Variants in ZFHX2 observed in about 807,000 individuals in gnomAD.
ZFHX2 encodes zinc finger homeobox protein 2.
ZFHX2 carries 75 observed loss-of-function variants against 164.8 expected under a neutral mutation model. That is an observed-to-expected ratio of 0.46 (90% CI 0.38 to 0.55). The LOEUF is 0.55. ZFHX2 is among the 20% of genes least tolerant of loss of function. The pLI is 0.00. For missense variants in ZFHX2, 2,933 were observed against 3,308.0 expected, an observed-to-expected ratio of 0.89 and a Z score of 2.78; for synonymous variants, 1,217 against 1,351.4, an observed-to-expected ratio of 0.90 and a Z score of 2.18.
At position 23,522,682 on chromosome 14, in the gene ZFHX2, C is replaced by T. The variant is rs1301665945; in HGVS notation, c.6999G>A (p.Leu2333=). 2 of 1,536,552 alleles carry T rather than the reference C, an allele frequency of 1.3e-6. No homozygotes were observed. Among genetic ancestry groups the T allele is most frequent in the East Asian group, 4.9e-5 (2 of 40,902 alleles). Residue 2333 remains leucine, a synonymous_variant, in exon 10 of 10, where the codon TTG becomes TTA. Transcript: ENST00000419474. ...CCAACAGGGCTGGGACAGTGGTCTT[C>T]AATGCTTTGAGGTTCTTGAGGGCAT... is the stretch of plus-strand genomic sequence containing the variant. ...SNDALKNLKA[L]KTTVPALLGG...
chr14:23,544,712 ACT>A (rs1460207795), intron 1 of ZFHX2, among the ~76,000 whole-genome samples: 13 of 151,728 alleles, frequency 8.6e-5, no homozygotes, highest in Admixed American at 1.3e-4. Flanking sequence ...ATCTCGTTAC[ACT>A]CTCGCTGCCT....
chr14:23,529,425 A>T (rs1158226819), intron 6 of ZFHX2: 1 of 391,774 alleles, frequency 2.6e-6, no homozygotes, highest in Non-Finnish European at 4.7e-6. Context: ...TCCAGCATGT[A>T]CCCCCACTCT....
intron 1 of ZFHX2, among the ~76,000 whole-genome samples, chr14:23,544,552 T>C (rs575330453): frequency 6.6e-6 from 1 of 152,306 alleles, no homozygotes; most frequent in South Asian, 2.1e-4. Flanking sequence ...AGGCCCTCCA[T>C]GTACACGTGT....
In ZFHX2 at chr14:23,524,820, C is replaced by G; in HGVS notation, c.5122G>C (p.Gly1708Arg). 2 of 1,537,052 alleles carry G rather than the reference C, an allele frequency of 1.3e-6. No homozygotes were observed. Among genetic ancestry groups the G allele is most frequent in the Non-Finnish European group, 1.7e-6 (2 of 1,147,154 alleles). Residue 1708 changes from glycine to arginine, a missense_variant, in exon 9 of 10, where the codon GGG (glycine) becomes CGG (arginine). By Grantham distance (125) the Gly-to-Arg change is moderately radical (BLOSUM62 -2). Transcript: ENST00000419474. The surrounding 1 kb of genome is among the most constrained non-coding windows in gnomAD (Gnocchi z 5.6). ...LEEEEEEAERGEEEEEVEEEE... is the reference protein window; with the variant it reads ...LEEEEEEAERREEEEEVEEEE... ...TCTTCCACCTCTTCCTCCTCTTCCC[C>G]TCTCTCTGCCTCTTCCTCCTCCTCT...
At chr14:23,530,097 G>C (rs3742488) in intron 5 of ZFHX2, 23 bp downstream of exon 5, 1 of 1,529,988 alleles carries the variant, frequency 6.5e-7, no homozygotes, top group African/African-American at 1.4e-5. Flanking sequence ...AGGAGGACTG[G>C]GGGGAAGGGA....
In ZFHX2 at chr14:23,534,424, G is replaced by T; in HGVS notation, c.902C>A (p.Ser301Tyr). The T allele has an allele frequency of 6.5e-7, 1 of 1,536,800 alleles. No homozygotes were observed. Among genetic ancestry groups the T allele is most frequent in the African/African-American group, 1.4e-5 (1 of 73,178 alleles). Residue 301 changes from serine to tyrosine, a missense_variant, in exon 2 of 10, where the codon TCT (serine) becomes TAT (tyrosine). Coordinates refer to ENST00000419474, the MANE Select transcript of ZFHX2 (RefSeq NM_033400.3). This position sits in a 1 kb window ranked among gnomAD's most constrained non-coding sequence, Gnocchi z 4.5. ...GCTGTTGTCAAGGGGTATGTCAGAA[G>T]AGGGGCGAGCAGGGAGTTTTGGCTC... is the stretch of plus-strand genomic sequence containing the variant. ...FLEPKLPARP[S>Y]SDIPLDNSST...
rs530708813 is a variant in ZFHX2 at position 23,538,640 on chromosome 14, C to T, written c.-49-3266G>A. 3.9e-5 allele frequency among the ~76,000 whole-genome samples: 6 copies of T among 152,236 alleles called. No individual in the cohort carries two copies. In the South Asian group the frequency reaches 1.2e-3, roughly 32 times the overall value. ...GGCTTTCCTTAAGGGCATCCCCTAT[C>T]CCTGCGGACACATCTCAGATGTGGG... On this transcript the variant is annotated intron_variant, in intron 1 of 9. Transcript: ENST00000419474.
At chr14:23,529,525 T>A in intron 6 of ZFHX2, 185 bp downstream of exon 6, 1 of 617,816 alleles carries the variant, frequency 1.6e-6, no homozygotes. Context: ...TTGACCCTGC[T>A]GGGCCAGCTC....
chr14:23,530,787 A>G (rs1048775234), intron 4 of ZFHX2: 17 of 283,944 alleles, frequency 6.0e-5, no homozygotes, highest in African/African-American at 3.0e-4. Context: ...TGGCAATTCA[A>G]TTAGCACCAG....
In ZFHX2 at chr14:23,522,229, C is replaced by T. The variant is rs1336303513; in HGVS notation, c.7452G>A (p.Met2484Ile). The T allele has an allele frequency of 6.8e-7, 1 of 1,478,640 alleles. No homozygotes were observed. Among genetic ancestry groups the T allele is most frequent in the East Asian group, 2.5e-5 (1 of 40,458 alleles). 91.6% of individuals were successfully genotyped at this position (1,478,640 alleles called of 1,614,324 possible). The change falls in exon 10 of 10, where the codon ATG becomes ATA. Residue 2484 changes from methionine to isoleucine, a missense_variant. Transcript: ENST00000419474. Reference sequence around the variant, plus strand: ...AGATGGGCACCCGCAATGGGGGTGGCATGGAGCCCCCAGAGCCCCGCCCAA... The same window carrying T: ...AGATGGGCACCCGCAATGGGGGTGGTATGGAGCCCCCAGAGCCCCGCCCAA... The part of the protein sequence containing the change: ...CFFGRGSGGS[M>I]PPPLRVPICT...
upstream of ZFHX2, among the ~76,000 whole-genome samples, chr14:23,554,461 T>C (rs1049957693): frequency 2.0e-5 from 3 of 152,050 alleles, no homozygotes; most frequent in African/African-American, 7.2e-5. Context: ...TCACTGCCCT[T>C]GACCTCCTGG....
Position 23,526,155 on chromosome 14 carries a change from G to C in ZFHX2, c.3787C>G (p.Leu1263Val). The C allele has an allele frequency of 6.5e-7, 1 of 1,536,528 alleles. No individual in the cohort carries two copies. The change falls in exon 9 of 10, where the codon CTG (leucine) becomes GTG (valine). Residue 1263 changes from leucine (L) to valine (V), a missense_variant. Transcript: ENST00000419474. ...CRVSYNQSST[L>V]EIHMRSVLHQ... is the part of the protein sequence containing the mutation. ...AGAACTGACCGCATGTGGATCTCCA[G>C]GGTGGAGCTCTGGTTGTAGGAGACT...
At chr14:23,541,352 G>A (rs191490536) in intron 1 of ZFHX2, among the ~76,000 whole-genome samples, 2 of 150,236 alleles carry the variant, frequency 1.3e-5, no homozygotes, top group East Asian at 2.0e-4. Flanking sequence ...ACAATGGTGC[G>A]ATCTTGGCTC....
intron 1 of ZFHX2, among the ~76,000 whole-genome samples, chr14:23,542,561 G>T (rs1227701046): frequency 1.3e-5 from 2 of 152,132 alleles, no homozygotes; most frequent in African/African-American, 4.8e-5. Context: ...CTCACATCCT[G>T]CTAGATGTGG....
chr14:23,522,385 A>C lies in ZFHX2; in HGVS notation c.7296T>G (p.Val2432=). 1.3e-6 allele frequency: 2 copies of C among 1,536,270 alleles called. No homozygotes were observed. Among genetic ancestry groups the C allele is most frequent in the Non-Finnish European group, 1.7e-6 (2 of 1,146,900 alleles). The change falls in exon 10 of 10, where the codon GTT becomes GTG. Residue 2432 remains valine (V), a synonymous_variant. Coordinates refer to ENST00000419474, the MANE Select transcript of ZFHX2 (RefSeq NM_033400.3). ...CAGTGCTGCCTGTCAGCAGCTCATC[A>C]ACCTCACCAGCTTCCCCCTCCCCTG... The part of the protein sequence containing the change: ...PAPGEGEAGE[V]DELLTGSTGI...
rs1404262600 is a variant in ZFHX2, at chr14:23,551,127, A to C, written c.-50+216T>G. Among the ~76,000 whole-genome samples the C allele has an allele frequency of 3.0e-4, 33 of 111,722 alleles. No individual in the cohort carries two copies. Among genetic ancestry groups the C allele is most frequent in the South Asian group, 9.5e-4 (3 of 3,146 alleles). The allele number at this position is 111,722 out of a possible 152,430, so 73.3% of individuals were successfully genotyped here. A position where few individuals can be genotyped will look rare whatever the true frequency, so the allele number is the denominator to read the frequency against. ...CTCGCGCACGCCCTCTTCCTCCCAC[A>C]CCCCTGTCTGCTATCTCCCAGGGCT... On this transcript the variant is annotated intron_variant, in intron 1 of 9. Coordinates refer to ENST00000419474, the MANE Select transcript of ZFHX2 (RefSeq NM_033400.3). The surrounding 1 kb of genome is among the most constrained non-coding windows in gnomAD (Gnocchi z 5.3).
In ZFHX2 at chr14:23,525,389, T is replaced by A. The variant is rs1017660560; in HGVS notation, c.4553A>T (p.Gln1518Leu). The change falls in exon 9 of 10, where the codon CAG becomes CTG. Residue 1518 changes from glutamine to leucine, a missense_variant. Gln to Leu is a moderately radical substitution (Grantham distance 113). Transcript: ENST00000419474. This position sits in a 1 kb window ranked among gnomAD's most constrained non-coding sequence, Gnocchi z 5.9. Reference sequence around the variant, plus strand: ...TAGGCTGTCATAGCTCTTTCGAAACTGAGCAGCATAACGGCTCAGGGCTTC... The same window carrying A: ...TAGGCTGTCATAGCTCTTTCGAAACAGAGCAGCATAACGGCTCAGGGCTTC... ...PFEALSRYAA[Q>L]FRKSYDSLYP... 1.3e-6 allele frequency: 2 copies of A among 1,535,958 alleles called. No homozygotes were observed. Among genetic ancestry groups the A allele is most frequent in the African/African-American group, 2.7e-5 (2 of 73,016 alleles).
chr14:23,549,864 T>C (rs1203660144), intron 1 of ZFHX2, among the ~76,000 whole-genome samples: 1 of 152,130 alleles, frequency 6.6e-6, no homozygotes, highest in Non-Finnish European at 1.5e-5. Context: ...TTTCTGCTGC[T>C]GGGGTTAAAA....
Position 23,533,513 on chromosome 14 carries a change from GC to G in ZFHX2, c.1812del (p.Pro605ArgfsTer8). On this transcript the variant is annotated frameshift_variant, in exon 2 of 10. Transcript: ENST00000419474. LOFTEE classifies it high-confidence loss of function. The surrounding 1 kb of genome is among the most constrained non-coding windows in gnomAD (Gnocchi z 4.8). ...ATCAATCCAGGTGGCAGGCCCAGCGGCAGCCCCTGGTGCAGCATTAGGACAT... is the reference window on the plus strand; with the variant it reads ...ATCAATCCAGGTGGCAGGCCCAGCGGAGCCCCTGGTGCAGCATTAGGACAT... ...MQNVLMLHQG[L>X]PLGLPPGLMG... is the part of the protein sequence containing the mutation. 1 of 1,536,106 alleles carries G rather than the reference GC, an allele frequency of 6.5e-7. No individual in the cohort carries two copies. Among genetic ancestry groups the G allele is most frequent in the Non-Finnish European group, 8.7e-7 (1 of 1,146,888 alleles).
Sources: allele counts gnomAD v4.1 joint callset (sites outside exome capture counted in the v4.1 genomes callset), GRCh38; gene constraint gnomAD v4.1.1; non-coding constraint Gnocchi (gnomAD v3.1); transcripts MANE v1.5; gene names NCBI Gene and HGNC (gene_info 2026-07-23, HGNC 2026-07-21).